Variants in PCTP observed in about 807,000 individuals in gnomAD.
The protein encoded by PCTP is phosphatidylcholine transfer protein.
PCTP carries 27 observed loss-of-function variants against 31.0 expected under a neutral mutation model. The ratio of observed to expected loss-of-function variants is 0.87; its 90% CI spans 0.64 to 1.20. PCTP has a LOEUF of 1.20. Among genes scored for constraint, PCTP ranks in the 50% most tolerant of loss-of-function variants. The probability of loss-of-function intolerance (pLI) is 0.00; values close to 1 mark genes in which losing one functional copy is unlikely to be tolerated. For synonymous variants in PCTP, 108 were observed against 101.2 expected (o/e 1.07, Z -0.40); for missense variants, 287 against 268.2 (o/e 1.07, Z -0.49).
chr17:55,771,059 A>G, intron 2 of PCTP, 47 bp from the exon 3 acceptor site: 1 of 1,434,226 alleles, frequency 7.0e-7, no homozygotes, highest in Non-Finnish European at 9.8e-7. Context: ...TATTAGTTGT[A>G]GCTAAAAAGG....
chr17:55,775,019 G>C (rs2144971959), intron 5 of PCTP, among the ~76,000 whole-genome samples, 160 bp downstream of exon 5: 1 of 152,258 alleles, frequency 6.6e-6, no homozygotes, highest in African/African-American at 2.4e-5. Context: ...TTAGGGCTGG[G>C]GCTGCCAACA....
In PCTP at chr17:55,775,793, T is replaced by C. The variant is rs1911295820; in HGVS notation, c.580-242T>C. ...CTGTTTCAGAAACATCTTCGCTTTTTCCTAGAAAAAGCTAACATATAAGGC... is the reference window on the plus strand; with the variant it reads ...CTGTTTCAGAAACATCTTCGCTTTTCCCTAGAAAAAGCTAACATATAAGGC... On this transcript the variant is annotated intron_variant, in intron 5 of 5. Coordinates refer to ENST00000268896, the MANE Select transcript of PCTP (RefSeq NM_021213.4). 4.0e-6 allele frequency: 5 copies of C among 1,257,070 alleles called. No homozygotes were observed. The East Asian group carries it at 1.6e-4, about 39-fold the overall frequency. 77.9% of individuals were successfully genotyped at this position (1,257,070 alleles called of 1,614,324 possible). A position where few individuals can be genotyped will look rare whatever the true frequency, so the allele number is the denominator to read the frequency against.
chr17:55,768,191 C>T (rs1238771750), intron 2 of PCTP, among the ~76,000 whole-genome samples: 1 of 152,080 alleles, frequency 6.6e-6, no homozygotes, highest in African/African-American at 2.4e-5. Flanking sequence ...GGCACAAAAG[C>T]ATTTTAAATG....
chr17:55,849,848 A>G, the PCTP span, among the ~76,000 whole-genome samples: 2 of 152,296 alleles, frequency 1.3e-5, no homozygotes, highest in East Asian at 3.9e-4. Flanking sequence ...ATTCATCCAT[A>G]TAAAAGTATA....
chr17:55,785,276 A>T (rs1176020580), intron 2 of PCTP, among the ~76,000 whole-genome samples: 1 of 152,260 alleles, frequency 6.6e-6, no homozygotes, highest in Non-Finnish European at 1.5e-5. Flanking sequence ...CCAAGAGCCA[A>T]CTAGTAGCTG....
intron 3 of PCTP, among the ~76,000 whole-genome samples, chr17:55,817,835 C>A (rs1199352980): frequency 2.0e-5 from 3 of 152,136 alleles, no homozygotes; most frequent in African/African-American, 7.2e-5. Flanking sequence ...AAGAGCTCAT[C>A]CCAAAGATTT....
intron 5 of PCTP, among the ~76,000 whole-genome samples, chr17:55,839,919 C>CAAAAAAAAAAAAAAAAAAAAAAAAAA (rs57402824): frequency 1.6e-4 from 2 of 12,506 alleles, no homozygotes; most frequent in Non-Finnish European, 3.2e-4. Context: ...GACTCAGTCT[C>CAAAAAAAAAAAAAAAAAAAAAAAAAA]AAAAAAAAAA....
intron 2 of PCTP, among the ~76,000 whole-genome samples, chr17:55,785,897 A>G (rs1205398719): frequency 6.6e-6 from 1 of 152,188 alleles, no homozygotes; most frequent in Non-Finnish European, 1.5e-5. Context: ...AATTAATTTT[A>G]GTATATTGGT....
chr17:55,761,374 A>G (rs1286128916), intron 1 of PCTP, among the ~76,000 whole-genome samples: 1 of 151,838 alleles, frequency 6.6e-6, no homozygotes, highest in Non-Finnish European at 1.5e-5. Context: ...ATAAATCATC[A>G]AGGGAAACAG....
chr17:55,852,698 T>C, the PCTP span, among the ~76,000 whole-genome samples: 1 of 136,440 alleles, frequency 7.3e-6, no homozygotes, highest in African/African-American at 3.4e-5. Flanking sequence ...AATAAACAGC[T>C]CTGCAGATCT....
chr17:55,774,397 G>T (rs934331464), intron 4 of PCTP, among the ~76,000 whole-genome samples: 1 of 152,174 alleles, frequency 6.6e-6, no homozygotes, highest in Non-Finnish European at 1.5e-5. Flanking sequence ...GTGGCCTTGA[G>T]TCCTAGGCAA....
chr17:55,814,082 A>G (rs1343837719), intron 3 of PCTP, among the ~76,000 whole-genome samples: 1 of 152,130 alleles, frequency 6.6e-6, no homozygotes, highest in Non-Finnish European at 1.5e-5. Flanking sequence ...AATTGTTTCA[A>G]AAGAGAATTC....
At chr17:55,781,424 T>A (rs146990017), downstream of PCTP, among the ~76,000 whole-genome samples, 89 of 152,352 alleles carry the variant, frequency 5.8e-4, no homozygotes, top group Middle Eastern at 0.01. Flanking sequence ...ATGATGGTGC[T>A]GAATAAATGA....
Position 55,757,609 on chromosome 17 carries a change from G to A in PCTP, c.141+6365G>A, listed in dbSNP as rs1267465263. Among the ~76,000 whole-genome samples the A allele has an allele frequency of 5.9e-5, 9 of 151,916 alleles. No homozygotes were observed. In the South Asian group the frequency reaches 6.2e-4, roughly 11 times the overall value. On this transcript the variant is annotated intron_variant, in intron 1 of 5. Transcript: ENST00000268896. ...ACACTCATCAATGAATGTGATCCAC[G>A]TTCTCATCAATGAATAAGTTCTATG...
intron 1 of PCTP, among the ~76,000 whole-genome samples, chr17:55,763,241 A>T (rs1202512973): frequency 2.6e-5 from 4 of 152,214 alleles, no homozygotes; most frequent in African/African-American, 9.6e-5. Context: ...AGTTTTGCCA[A>T]ATAAGTTTTG....
intron 3 of PCTP, among the ~76,000 whole-genome samples, chr17:55,817,150 C>G (rs886777246): frequency 2.6e-5 from 4 of 152,198 alleles, no homozygotes; most frequent in African/African-American, 7.2e-5. Flanking sequence ...AGTGGTTCAG[C>G]ATTCTCGCTT....
At chr17:55,782,571 G>A (rs561986686) in intron 2 of PCTP, among the ~76,000 whole-genome samples, 279 of 152,250 alleles carry the variant, frequency 1.8e-3, no homozygotes, top group Non-Finnish European at 3.2e-3. Flanking sequence ...TAGTTAGGTG[G>A]TAGACTGGGA....
chr17:55,771,534 A>C (rs1911005363), intron 3 of PCTP, among the ~76,000 whole-genome samples: 1 of 152,190 alleles, frequency 6.6e-6, no homozygotes, highest in South Asian at 2.1e-4. Flanking sequence ...CTCAGTCTAC[A>C]GAAGGAAAAA....
At chr17:55,778,315 T>C (rs558311556), downstream of PCTP, among the ~76,000 whole-genome samples, 6 of 152,312 alleles carry the variant, frequency 3.9e-5, no homozygotes, top group Admixed American at 2.6e-4. Flanking sequence ...GATGTATCAC[T>C]TGGAATTTGT....
Sources: gnomAD v4.1 joint callset for allele counts (sites outside exome capture counted in the v4.1 genomes callset) on GRCh38, gnomAD v4.1.1 for gene constraint, MANE v1.5 for transcripts, NCBI Gene and HGNC (gene_info 2026-07-23, HGNC 2026-07-21) for gene names.